The following KCNMA1 variants were observed in gnomAD, a reference collection of about 807,000 sequenced individuals.
KCNMA1 encodes the protein potassium calcium-activated channel subfamily M alpha 1.
KCNMA1 carries 29 observed loss-of-function variants against 140.0 expected under a neutral mutation model. That is an observed-to-expected ratio of 0.21 (90% CI 0.15 to 0.28). The LOEUF is 0.28. KCNMA1 is among the 10% of genes least tolerant of loss of function. The pLI is 1.00. For synonymous variants in KCNMA1, 612 were observed against 611.9 expected, an observed-to-expected ratio of 1.00 and a Z score of 0.00; for missense variants, 880 against 1,602.2, an observed-to-expected ratio of 0.55 and a Z score of 7.70.
chr10:77,435,157 CA>C (rs1452207279), intron 1 of KCNMA1, among the ~76,000 whole-genome samples: 1 of 151,864 alleles, frequency 6.6e-6, no homozygotes, highest in East Asian at 1.9e-4. Flanking sequence ...AGGCTGGCCT[CA>C]AACTCCTAGG....
At chr10:77,561,061 T>TC (rs1343198478) in intron 1 of KCNMA1, among the ~76,000 whole-genome samples, 1 of 150,848 alleles carries the variant, frequency 6.6e-6, no homozygotes, top group African/African-American at 2.4e-5. Context: ...GGAAACACTT[T>TC]TTTTTTTCAA....
At chr10:77,458,419 A>G (rs2097794849) in intron 1 of KCNMA1, among the ~76,000 whole-genome samples, 1 of 152,210 alleles carries the variant, frequency 6.6e-6, no homozygotes, top group Non-Finnish European at 1.5e-5. Flanking sequence ...TTGGAAGCAG[A>G]GCTGGGATTA....
chr10:77,543,910 C>G (rs1324335051), intron 1 of KCNMA1, among the ~76,000 whole-genome samples: 1 of 152,132 alleles, frequency 6.6e-6, no homozygotes, highest in African/African-American at 2.4e-5. Flanking sequence ...TAGGTATTAA[C>G]AGAAAGCAAT....
At chr10:76,918,427 A>T (rs1336077608) in intron 23 of KCNMA1, among the ~76,000 whole-genome samples, 1 of 152,206 alleles carries the variant, frequency 6.6e-6, no homozygotes, top group Non-Finnish European at 1.5e-5. Context: ...CACTTTGTTG[A>T]TCATGGCCAT....
intron 25 of KCNMA1, among the ~76,000 whole-genome samples, chr10:76,908,476 A>C (rs1897586): frequency 0.12 from 17,813 of 152,260 alleles, 3,363 homozygotes; most frequent in African/African-American, 0.4. Flanking sequence ...TGATTTTTAA[A>C]TAAGATATGC....
chr10:77,014,198 T>A (rs1042654702), intron 17 of KCNMA1, among the ~76,000 whole-genome samples: 2 of 152,110 alleles, frequency 1.3e-5, no homozygotes, highest in Non-Finnish European at 2.9e-5. Flanking sequence ...GAGGCTGATG[T>A]GGATAGATCA....
Position 76,944,876 on chromosome 10 carries a change from A to G in KCNMA1, c.2799T>C (p.Ile933=), listed in dbSNP as rs2152885437. The G allele has an allele frequency of 2.5e-6, 4 of 1,614,116 alleles. No individual in the cohort carries two copies. The African/African-American group carries it at 4.0e-5, about 16-fold the overall frequency. The change falls in exon 23 of 28, where the codon ATT becomes ATC. Residue 933 remains isoleucine, a synonymous_variant. Transcript: ENST00000286628. ...CCTTGTCCTGCAGCGAAGTATCATCAATATTATTCTGATTGGCTGACAGGA... is the reference window on the plus strand; with the variant it reads ...CCTTGTCCTGCAGCGAAGTATCATCGATATTATTCTGATTGGCTGACAGGA... ...CVILSANQNN[I]DDTSLQDKEC... is the part of the protein sequence containing the mutation.
chr10:77,268,715 C>T (rs2064118444), intron 2 of KCNMA1, among the ~76,000 whole-genome samples: 1 of 152,166 alleles, frequency 6.6e-6, no homozygotes, highest in African/African-American at 2.4e-5. Flanking sequence ...GTCATATGCT[C>T]TCTGTACCTC....
chr10:77,018,633 A>G (rs1008091140), intron 17 of KCNMA1, among the ~76,000 whole-genome samples: 5 of 152,164 alleles, frequency 3.3e-5, no homozygotes, highest in African/African-American at 9.7e-5. Context: ...GTAGTAGAAA[A>G]CTGATAATTC....
intron 2 of KCNMA1, among the ~76,000 whole-genome samples, chr10:77,291,769 T>C (rs568728872): frequency 6.6e-6 from 1 of 152,212 alleles, no homozygotes; most frequent in Non-Finnish European, 1.5e-5. Flanking sequence ...GTGCCTCATA[T>C]GTGCTGGTGC....
chr10:77,270,554 C>T (rs546571918), intron 2 of KCNMA1, among the ~76,000 whole-genome samples: 15 of 147,496 alleles, frequency 1.0e-4, no homozygotes, highest in Non-Finnish European at 1.9e-4. Flanking sequence ...CAGGGTCTTG[C>T]TCTGTTGCCC....
At chr10:76,934,293 T>C (rs2059975513) in intron 23 of KCNMA1, among the ~76,000 whole-genome samples, 1 of 152,180 alleles carries the variant, frequency 6.6e-6, no homozygotes, top group Non-Finnish European at 1.5e-5. Context: ...TATTTCTTTA[T>C]TTTTTTCTTG....
intron 3 of KCNMA1, among the ~76,000 whole-genome samples, chr10:77,187,842 G>A (rs542471775): frequency 6.6e-6 from 1 of 152,104 alleles, no homozygotes; most frequent in Non-Finnish European, 1.5e-5. Flanking sequence ...TAAGTCCTCT[G>A]AGTGCCTGTA....
At chr10:77,530,037 C>T (rs1402699880) in intron 1 of KCNMA1, among the ~76,000 whole-genome samples, 1 of 152,212 alleles carries the variant, frequency 6.6e-6, no homozygotes, top group African/African-American at 2.4e-5. Context: ...ACACCACAGG[C>T]ATCTGAGGCC....
At chr10:77,180,135 G>A (rs2098791613) in intron 5 of KCNMA1, among the ~76,000 whole-genome samples, 1 of 152,178 alleles carries the variant, frequency 6.6e-6, no homozygotes, top group Non-Finnish European at 1.5e-5. Context: ...AGGAGAATGG[G>A]GATAGACTTC....
At chr10:77,486,017 G>A (rs910939149) in intron 1 of KCNMA1, among the ~76,000 whole-genome samples, 8 of 152,134 alleles carry the variant, frequency 5.3e-5, no homozygotes, top group African/African-American at 1.9e-4. Context: ...GGTATCCTAG[G>A]AGAGCCTGAG....
At chr10:76,922,393 G>C (rs1419279983) in intron 23 of KCNMA1, among the ~76,000 whole-genome samples, 1 of 152,030 alleles carries the variant, frequency 6.6e-6, no homozygotes, top group Non-Finnish European at 1.5e-5. Context: ...GTGTTTGTTG[G>C]GGGTGCAGGG....
At chr10:77,408,195 G>A (rs895563787) in intron 1 of KCNMA1, among the ~76,000 whole-genome samples, 5 of 152,178 alleles carry the variant, frequency 3.3e-5, no homozygotes, top group Non-Finnish European at 2.9e-5. Flanking sequence ...CCAGCATTCC[G>A]TTCTTGCTCC....
Position 77,053,941 on chromosome 10 carries a change from G to A in KCNMA1, c.1750-14304C>T, listed in dbSNP as rs181676629. Among the ~76,000 whole-genome samples the A allele has an allele frequency of 3.3e-4, 50 of 152,148 alleles. No homozygotes were observed. The East Asian group carries it at 5.2e-3, about 16-fold the overall frequency. ...CCTTCCCCAGGTCTTACAGCAAATC[G>A]CGTCCTAATCAGAGTCTTATAATCC... On this transcript the variant is annotated intron_variant, in intron 14 of 27. Transcript: ENST00000286628.
Sources: allele counts gnomAD v4.1 joint callset (sites outside exome capture counted in the v4.1 genomes callset), GRCh38; gene constraint gnomAD v4.1.1; transcripts MANE v1.5; gene names NCBI Gene and HGNC (gene_info 2026-07-23, HGNC 2026-07-21).